The following GLIS3 variants were observed in gnomAD, a reference collection of about 807,000 sequenced individuals.
The protein encoded by GLIS3 is zinc finger protein GLIS3.
GLIS3 carries 53 observed loss-of-function variants against 78.6 expected under a neutral mutation model. The ratio of observed to expected loss-of-function variants is 0.67; its 90% CI spans 0.54 to 0.85. The LOEUF (loss-of-function observed/expected upper bound fraction) is 0.85, where lower values mean the gene tolerates loss of function less well. Ranked by LOEUF, GLIS3 falls within the 40% of genes least tolerant of loss-of-function variation. The pLI is 0.00. For synonymous variants in GLIS3, 684 were observed against 509.9 expected, an observed-to-expected ratio of 1.34 and a Z score of -4.60; for missense variants, 1,703 against 1,231.1, an observed-to-expected ratio of 1.38 and a Z score of -5.74.
At chr9:4,117,277 G>A (rs768218878) in intron 4 of GLIS3, among the ~76,000 whole-genome samples, 3 of 152,214 alleles carry the variant, frequency 2.0e-5, no homozygotes, top group Non-Finnish European at 2.9e-5. Context: ...GTGGATGCAT[G>A]CCGAAACACT....
intron 2 of GLIS3, among the ~76,000 whole-genome samples, chr9:4,165,419 C>T (rs1022834150): frequency 6.6e-6 from 1 of 152,172 alleles, no homozygotes; most frequent in Non-Finnish European, 1.5e-5. Context: ...CCAGCCTAGG[C>T]AACAGGAGCG....
At chr9:4,186,741 G>A (rs1817834912) in intron 2 of GLIS3, among the ~76,000 whole-genome samples, 1 of 152,072 alleles carries the variant, frequency 6.6e-6, no homozygotes, top group Non-Finnish European at 1.5e-5. Flanking sequence ...GCATTTCTCT[G>A]ATGGCCAGTG....
At chr9:4,330,815 G>A (rs1007923985) in intron 2 of GLIS3, among the ~76,000 whole-genome samples, 1 of 152,176 alleles carries the variant, frequency 6.6e-6, no homozygotes, top group Non-Finnish European at 1.5e-5. Context: ...GATGCTGAGA[G>A]ACTTTTCAGA....
intron 4 of GLIS3, among the ~76,000 whole-genome samples, chr9:4,308,001 CCT>C (rs1377433660): frequency 1.3e-5 from 2 of 152,126 alleles, no homozygotes; most frequent in African/African-American, 4.8e-5. Context: ...TCTCAACTTT[CCT>C]CTCTCCCTTC....
chr9:4,040,219 G>C (rs376048666), intron 4 of GLIS3, among the ~76,000 whole-genome samples: 1 of 151,148 alleles, frequency 6.6e-6, no homozygotes. Context: ...GGTCTTCAAA[G>C]GGTTTTGCAA....
intron 2 of GLIS3, among the ~76,000 whole-genome samples, chr9:4,320,557 CTGTT>C (rs1199031823): frequency 6.6e-6 from 1 of 151,782 alleles, no homozygotes; most frequent in African/African-American, 2.4e-5. Flanking sequence ...TCAAATCTGT[CTGTT>C]TCTCTCTATT....
At chr9:3,983,124 C>T (rs113793047) in intron 4 of GLIS3, among the ~76,000 whole-genome samples, 13 of 152,258 alleles carry the variant, frequency 8.5e-5, no homozygotes, top group African/African-American at 3.1e-4. Flanking sequence ...TGAGAGGTGA[C>T]TGAATTATGG....
chr9:3,923,511 C>A lies in GLIS3; in HGVS notation c.1983+8849G>T, dbSNP rs553361329. On this transcript the variant is annotated intron_variant, in intron 6 of 10. Coordinates refer to ENST00000381971, the MANE Select transcript of GLIS3 (RefSeq NM_001042413.2). ...TAAAGGAGAATTTCACAGACATCAG[C>A]AAGGTCACCATGGAAAAGCAGCAGC... 4.0e-5 allele frequency among the ~76,000 whole-genome samples: 6 copies of A among 151,310 alleles called. No homozygotes were observed. In the South Asian group the frequency reaches 1.0e-3, roughly 26 times the overall value.
Position 4,289,308 on chromosome 9 carries a change from T to C in GLIS3, c.-98-2785A>G, listed in dbSNP as rs576710719. 2.6e-5 allele frequency among the ~76,000 whole-genome samples: 4 copies of C among 152,250 alleles called. No individual in the cohort carries two copies. In the East Asian group the frequency reaches 7.7e-4, roughly 29 times the overall value. ...TATCAAGAACACCCATTTGCTATAA[T>C]CAAGAATAAATATGTAGATTTTATA... is the stretch of plus-strand genomic sequence containing the variant. On this transcript the variant is annotated intron_variant, in intron 1 of 10. Coordinates refer to ENST00000381971, the MANE Select transcript of GLIS3 (RefSeq NM_001042413.2).
intron 9 of GLIS3, chr9:3,855,791 C>T (rs1333380628): frequency 3.5e-6 from 2 of 566,402 alleles, no homozygotes; most frequent in Non-Finnish European, 6.4e-6. Flanking sequence ...TTGAGCTGAC[C>T]AGTGCGATGT....
chr9:4,409,897 G>C, the GLIS3 span, among the ~76,000 whole-genome samples: 9 of 152,290 alleles, frequency 5.9e-5, no homozygotes, highest in South Asian at 2.1e-4. Flanking sequence ...ATGCCTATAA[G>C]TTATTTTTAC....
chr9:4,009,431 G>A lies in GLIS3; in HGVS notation c.1711-72242C>T, dbSNP rs540949753. On this transcript the variant is annotated intron_variant, in intron 4 of 10. Transcript: ENST00000381971. The stretch of plus-strand genomic sequence containing the variant: ...ACTCAAGAAGATGGGCGGCATCCCT[G>A]CTGGCCAGCAAGGTGCAGCCATGGC... Among the ~76,000 whole-genome samples, 6 of 152,300 alleles carry A rather than the reference G, an allele frequency of 3.9e-5. No individual in the cohort carries two copies. In the East Asian group the frequency reaches 1.2e-3, roughly 29 times the overall value.
intron 2 of GLIS3, among the ~76,000 whole-genome samples, chr9:4,225,049 G>C (rs953893739): frequency 2.0e-5 from 3 of 151,324 alleles, no homozygotes; most frequent in Non-Finnish European, 2.9e-5. Context: ...CATTTGACTT[G>C]CACAATAATC....
chr9:4,128,188 G>A (rs577782800), intron 2 of GLIS3, among the ~76,000 whole-genome samples: 136 of 152,272 alleles, frequency 8.9e-4, no homozygotes, highest in African/African-American at 3.2e-3. Context: ...CACCTAGTGA[G>A]CACCTCTGCA....
intron 7 of GLIS3, among the ~76,000 whole-genome samples, chr9:3,889,024 T>C (rs551705389): frequency 6.6e-6 from 1 of 152,196 alleles, no homozygotes; most frequent in African/African-American, 2.4e-5. Flanking sequence ...CTTTAATTTA[T>C]GTGTCTAGGA....
intron 4 of GLIS3, among the ~76,000 whole-genome samples, chr9:4,096,179 TG>T: frequency 6.6e-6 from 1 of 152,290 alleles, no homozygotes; most frequent in Non-Finnish European, 1.5e-5. Context: ...AACAAAACTC[TG>T]AATCACCAAA....
At chr9:4,283,777 C>G (rs998922144) in intron 2 of GLIS3, among the ~76,000 whole-genome samples, 3 of 152,190 alleles carry the variant, frequency 2.0e-5, no homozygotes, top group East Asian at 1.9e-4. Flanking sequence ...GAATTGTCAA[C>G]CAAAATCTGG....
At chr9:4,165,705 C>T (rs993906428) in intron 2 of GLIS3, among the ~76,000 whole-genome samples, 4 of 152,156 alleles carry the variant, frequency 2.6e-5, no homozygotes, top group African/African-American at 4.8e-5. Flanking sequence ...TATGATGTGC[C>T]TATGCAGATA....
the GLIS3 span, among the ~76,000 whole-genome samples, chr9:4,400,541 T>C: frequency 4.6e-5 from 7 of 152,242 alleles, no homozygotes; most frequent in Non-Finnish European, 7.3e-5. Flanking sequence ...TATTGATTTG[T>C]CAAAAGTTGT....
Sources: allele counts gnomAD v4.1 joint callset (sites outside exome capture counted in the v4.1 genomes callset), GRCh38; gene constraint gnomAD v4.1.1; transcripts MANE v1.5; gene names NCBI Gene and HGNC (gene_info 2026-07-23, HGNC 2026-07-21).